Variants in BIRC6 observed in about 807,000 individuals in gnomAD.
BIRC6 encodes baculoviral IAP repeat containing 6.
A neutral mutation model predicts 503.3 loss-of-function variants in BIRC6; 98 were observed. That is an observed-to-expected ratio of 0.19 (90% CI 0.17 to 0.23). BIRC6 has a LOEUF of 0.23. Ranked by LOEUF, BIRC6 falls within the 10% of genes least tolerant of loss-of-function variation. The pLI is 1.00. For synonymous variants in BIRC6, 2,240 were observed against 2,078.7 expected, an observed-to-expected ratio of 1.08 and a Z score of -2.11; for missense variants, 5,360 against 5,806.0, an observed-to-expected ratio of 0.92 and a Z score of 2.50.
At chr2:32,436,886 C>CTTTTTTT (rs35067044) in intron 15 of BIRC6, among the ~76,000 whole-genome samples, 1 of 90,078 alleles carries the variant, frequency 1.1e-5, no homozygotes, top group Non-Finnish European at 2.1e-5. Context: ...TTTGTTTTTT[C>CTTTTTTT]TTTTTTTTTT....
intron 22 of BIRC6, 58 bp downstream of exon 22, chr2:32,448,986 C>A: frequency 6.6e-7 from 1 of 1,513,012 alleles, no homozygotes; most frequent in Non-Finnish European, 9.0e-7. Context: ...TTTAAGTTGC[C>A]ATTTGACTTA....
intron 1 of BIRC6, among the ~76,000 whole-genome samples, chr2:32,369,990 GTA>G (rs2035671263): frequency 1.2e-5 from 1 of 85,692 alleles, no homozygotes; most frequent in African/African-American, 4.6e-5. Flanking sequence ...ATATATGTAT[GTA>G]TGTATGTGTG....
At chr2:32,413,905 G>A (rs2042154275) in intron 9 of BIRC6, among the ~76,000 whole-genome samples, 1 of 152,132 alleles carries the variant, frequency 6.6e-6, no homozygotes, top group Admixed American at 6.5e-5. Flanking sequence ...TAAATACTGA[G>A]TAAAAAGTTG....
At chr2:32,505,496 A>G (rs1478499929) in intron 50 of BIRC6, 1 of 325,456 alleles carries the variant, frequency 3.1e-6, no homozygotes, top group East Asian at 6.7e-5. Context: ...TTAAGCTGAA[A>G]TGAGTTCACT....
chr2:32,553,959 T>C (rs1316351334), intron 65 of BIRC6, among the ~76,000 whole-genome samples: 3 of 152,182 alleles, frequency 2.0e-5, no homozygotes, highest in East Asian at 3.8e-4. Flanking sequence ...TCATAAGAAA[T>C]GGTATTCTGA....
chr2:32,453,493 T>A (rs1295612933), intron 22 of BIRC6, among the ~76,000 whole-genome samples: 1 of 152,146 alleles, frequency 6.6e-6, no homozygotes, highest in Non-Finnish European at 1.5e-5. Flanking sequence ...GAGATTGAAA[T>A]TTTTCACCCC....
rs1481141707 is a variant in BIRC6, at chr2:32,490,053, G to C, written c.8108G>C (p.Ser2703Thr). The C allele has an allele frequency of 1.2e-6, 2 of 1,608,936 alleles. No homozygotes were observed. The highest frequency in any genetic ancestry group is 1.7e-6 in the Non-Finnish European group (2 of 1,175,822). Residue 2703 changes from serine (S) to threonine (T), a missense_variant, in exon 43 of 74, where the codon AGC (serine) becomes ACC (threonine). Transcript: ENST00000421745. ...CTTTTCTGCATAGCATCAATAACTA[G>C]CTTTCTCACAGTGTTAGCTTGGTAT... ...VISLNQASIT[S>T]FLTVLAWYPN... is the part of the protein sequence containing the mutation.
chr2:32,564,409 A>G (rs1455398694), intron 65 of BIRC6: 4 of 152,168 alleles, frequency 2.6e-5, no homozygotes, highest in African/African-American at 7.2e-5. Flanking sequence ...GGCAGTTGCA[A>G]AAATGTTGCA....
rs571236692 is a variant in BIRC6, at chr2:32,383,196, G to T, written c.645+2906G>T. On this transcript the variant is annotated intron_variant, in intron 3 of 73. Transcript: ENST00000421745. ...CGAGTAGCTGCGATTACAGGCGCGT[G>T]CCACCACGCCTGGCTAACTTTTGTA... is the stretch of plus-strand genomic sequence containing the variant. Among the ~76,000 whole-genome samples the T allele has an allele frequency of 1.8e-3, 276 of 150,934 alleles. 1 individual carries two copies. Among genetic ancestry groups the T allele is most frequent in the Non-Finnish European group, 3.3e-3 (226 of 67,788 alleles).
At chr2:32,496,344 G>T (rs2052472033) in intron 45 of BIRC6, among the ~76,000 whole-genome samples, 1 of 151,790 alleles carries the variant, frequency 6.6e-6, no homozygotes, top group African/African-American at 2.4e-5. Context: ...TCATGCTTCA[G>T]CCTCCTGAGT....
intron 1 of BIRC6, among the ~76,000 whole-genome samples, chr2:32,373,531 G>A (rs1438296935): frequency 4.6e-5 from 7 of 152,116 alleles, no homozygotes; most frequent in African/African-American, 1.7e-4. Context: ...GGATACTCAC[G>A]TGCAAAAAGT....
At chr2:32,501,667 G>T (rs1242021176) in intron 46 of BIRC6, 46 bp from the exon 47 acceptor site, 3 of 1,527,562 alleles carry the variant, frequency 2.0e-6, no homozygotes. Context: ...CACTGCGCCT[G>T]GCTGGATATA....
chr2:32,615,752 AG>A (rs1343813736), intron 73 of BIRC6, among the ~76,000 whole-genome samples: 12 of 152,220 alleles, frequency 7.9e-5, no homozygotes, highest in Non-Finnish European at 1.8e-4. Flanking sequence ...CTCCTGCCTC[AG>A]CCTCCCAAGT....
chr2:32,489,678 A>C (rs78923181), intron 42 of BIRC6, among the ~76,000 whole-genome samples: 3,819 of 152,178 alleles, frequency 0.025, 69 homozygotes, highest in Middle Eastern at 0.082. Flanking sequence ...CATGCCTATA[A>C]TACCAGTTTT....
At chr2:32,602,966 C>T in intron 70 of BIRC6, 40 bp from the exon 71 acceptor site, 1 of 1,550,012 alleles carries the variant, frequency 6.5e-7, no homozygotes, top group Non-Finnish European at 8.7e-7. Flanking sequence ...TTTTTAAGCA[C>T]TCTTTTTTCA....
rs754644506 is a variant in BIRC6, at chr2:32,575,265, G to A, written c.13254G>A (p.Glu4418=). The change falls in exon 66 of 74, where the codon GAG becomes GAA. Residue 4418 remains glutamate (E), a synonymous_variant. Coordinates refer to ENST00000421745, the MANE Select transcript of BIRC6 (RefSeq NM_016252.4). ...CCCTATTGTTGCCCCTTTCTACAGA[G>A]AACGGTGAAGAGGAAGAAGAACAGT... The part of the protein sequence containing the change: ...MVPLLLPLST[E]NGEEEEEQSE... 6.2e-7 allele frequency: 1 copy of A among 1,613,844 alleles called. No homozygotes were observed. Among genetic ancestry groups the A allele is most frequent in the African/African-American group, 1.3e-5 (1 of 74,894 alleles).
chr2:32,379,285 A>T (rs2037280604), intron 2 of BIRC6: 1 of 152,210 alleles, frequency 6.6e-6, no homozygotes, highest in African/African-American at 2.4e-5. Flanking sequence ...GAAAAAATTG[A>T]ACATTTTTCC....
intron 8 of BIRC6, among the ~76,000 whole-genome samples, chr2:32,406,201 G>A (rs2041193666): frequency 6.6e-6 from 1 of 152,116 alleles, no homozygotes; most frequent in African/African-American, 2.4e-5. Flanking sequence ...AGACCAGCCT[G>A]GGCAACATGG....
At chr2:32,499,470 G>C in intron 45 of BIRC6, 77 bp from the exon 46 acceptor site, 2 of 1,308,584 alleles carry the variant, frequency 1.5e-6, no homozygotes, top group East Asian at 2.5e-5. Flanking sequence ...ACTTAAAATC[G>C]TTTAATTTTT....
Sources: allele counts gnomAD v4.1 joint callset (sites outside exome capture counted in the v4.1 genomes callset), GRCh38; gene constraint gnomAD v4.1.1; transcripts MANE v1.5; gene names NCBI Gene and HGNC (gene_info 2026-07-23, HGNC 2026-07-21).